The following CD82 variants were observed in gnomAD, a reference collection of about 807,000 sequenced individuals.
CD82 encodes CD82 antigen.
In CD82, 36 loss-of-function variants were observed where a neutral mutation model predicts 37.4. The observed-to-expected ratio is 0.96, with a 90% CI of 0.74 to 1.27. CD82 has a LOEUF of 1.27. Among genes scored for constraint, CD82 ranks in the 50% most tolerant of loss-of-function variants. The pLI is 0.00. For synonymous variants in CD82, 158 were observed against 137.4 expected (o/e 1.15, Z -1.05); for missense variants, 340 against 347.0 (o/e 0.98, Z 0.16).
At position 44,605,136 on chromosome 11, in the gene CD82, T is replaced by C. The variant is rs1477589177; in HGVS notation, c.215T>C (p.Leu72Pro). ...GCAGTCACTATGCTCATGGGCTTCC[T>C]GGGCTGCATCGGCGCCGTCAACGAG... ...VGAVTMLMGF[L>P]GCIGAVNEVR... Residue 72 changes from leucine (L) to proline (P), a missense_variant, in exon 5 of 10, where the codon CTG becomes CCG. Coordinates refer to ENST00000227155, the MANE Select transcript of CD82 (RefSeq NM_002231.4). 3 of 1,614,068 alleles carry C rather than the reference T, an allele frequency of 1.9e-6. No homozygotes were observed. Among genetic ancestry groups the C allele is most frequent in the Non-Finnish European group, 2.5e-6 (3 of 1,180,028 alleles).
chr11:44,568,891 C>T (rs1256193662), intron 1 of CD82, among the ~76,000 whole-genome samples: 1 of 152,270 alleles, frequency 6.6e-6, no homozygotes, highest in Non-Finnish European at 1.5e-5. Flanking sequence ...TTCGGAGCAT[C>T]TGGGGCCAGC....
chr11:44,573,990 C>T, intron 1 of CD82, among the ~76,000 whole-genome samples: 1 of 152,204 alleles, frequency 6.6e-6, no homozygotes, highest in East Asian at 1.9e-4. Flanking sequence ...AAGGCTGCTC[C>T]TGTCATTACT....
chr11:44,607,403 G>A (rs933734321), intron 6 of CD82, among the ~76,000 whole-genome samples: 1 of 152,160 alleles, frequency 6.6e-6, no homozygotes, highest in African/African-American at 2.4e-5. Flanking sequence ...CCAGAAAAAT[G>A]GTCATGGGGT....
intron 1 of CD82, among the ~76,000 whole-genome samples, chr11:44,580,305 T>C (rs1852961999): frequency 6.6e-6 from 1 of 152,176 alleles, no homozygotes; most frequent in Non-Finnish European, 1.5e-5. Flanking sequence ...CACTTACTCC[T>C]CTCTCTGCCC....
intron 1 of CD82, among the ~76,000 whole-genome samples, chr11:44,574,613 T>G (rs777003995): frequency 3.1e-4 from 47 of 152,322 alleles, no homozygotes; most frequent in African/African-American, 6.5e-4. Flanking sequence ...AGGGTTTTTT[T>G]TGTGTGTGTG....
intron 1 of CD82, among the ~76,000 whole-genome samples, chr11:44,578,692 A>T (rs1195766239): frequency 6.6e-6 from 1 of 152,160 alleles, no homozygotes; most frequent in East Asian, 1.9e-4. Flanking sequence ...TTCTTGGCTA[A>T]ATCCATCAGC....
At chr11:44,584,261 G>A (rs1350477301) in intron 1 of CD82, among the ~76,000 whole-genome samples, 1 of 152,194 alleles carries the variant, frequency 6.6e-6, no homozygotes, top group Non-Finnish European at 1.5e-5. Context: ...GGAGGAAGCA[G>A]AGCTGGGACT....
chr11:44,602,960 G>A (rs12290254), intron 4 of CD82, among the ~76,000 whole-genome samples: 27,640 of 152,190 alleles, frequency 0.18, 2,827 homozygotes, highest in African/African-American at 0.27. Context: ...CAGGATGTGA[G>A]TACAGCCACA....
chr11:44,618,427 C>CTGCTCAGCAATTCCTTCCTGCAT (rs1853600886), intron 8 of CD82, 62 bp downstream of exon 8: 1 of 1,431,944 alleles, frequency 7.0e-7, no homozygotes, highest in Non-Finnish European at 9.7e-7. Context: ...ATCTGGGCTA[C>CTGCTCAGCAATTCCTTCCTGCAT]TGCTCAGCAA....
chr11:44,582,873 T>C (rs1344277743), intron 1 of CD82, among the ~76,000 whole-genome samples: 1 of 152,228 alleles, frequency 6.6e-6, no homozygotes, highest in Non-Finnish European at 1.5e-5. Context: ...TATCTGTCCA[T>C]CCCAGTGTGC....
At chr11:44,581,006 A>C (rs779001525) in intron 1 of CD82, among the ~76,000 whole-genome samples, 7 of 151,926 alleles carry the variant, frequency 4.6e-5, no homozygotes, top group Non-Finnish European at 2.9e-5. Context: ...TAATCACCCT[A>C]CTCAGGGCCC....
rs190517526 is a variant in CD82, at chr11:44,618,702, C to T, written c.705C>T (p.Gly235=). The T allele has an allele frequency of 6.8e-4, 1,099 of 1,613,390 alleles. 11 individuals carry two copies. The East Asian group carries it at 0.016, about 23-fold the overall frequency. Residue 235 remains glycine, a synonymous_variant, in exon 9 of 10, where the codon GGC becomes GGT. Coordinates refer to ENST00000227155, the MANE Select transcript of CD82 (RefSeq NM_002231.4). ...ACCTGGGCATCATCCTCGGCGTGGG[C>T]GTGGGTGTGGCCATCATCGAGGTCT... is the stretch of plus-strand genomic sequence containing the variant. ...QENLGIILGV[G]VGVAIIELLG...
At chr11:44,606,618 G>A (rs531727789) in intron 6 of CD82, 1 of 152,388 alleles carries the variant, frequency 6.6e-6, no homozygotes, top group East Asian at 1.9e-4. Context: ...AAGAATGGCT[G>A]TTGGGTGAGC....
At chr11:44,593,823 T>C (rs1244118216) in intron 2 of CD82, among the ~76,000 whole-genome samples, 1 of 152,116 alleles carries the variant, frequency 6.6e-6, no homozygotes, top group African/African-American at 2.4e-5. Context: ...TTTGGGGGAC[T>C]CTGTGAGCCC....
In CD82 at chr11:44,615,298, G is replaced by T; in HGVS notation, c.363G>T (p.Val121=). The T allele has an allele frequency of 6.2e-7, 1 of 1,613,332 alleles. No individual in the cohort carries two copies. Among genetic ancestry groups the T allele is most frequent in the South Asian group, 1.1e-5 (1 of 91,056 alleles). The change falls in exon 7 of 10, where the codon GTG becomes GTT. Residue 121 remains valine, a synonymous_variant. Transcript: ENST00000227155. ...TGAAGCAGGAGATGGGCGGCATCGT[G>T]ACTGAGCTCATTCGAGACTACAACA... ...GKLKQEMGGI[V]TELIRDYNSS...
Position 44,619,637 on chromosome 11 carries a change from C to A in CD82, c.*511C>A, listed in dbSNP as rs537163605. 1 of 153,088 alleles carries A rather than the reference C, an allele frequency of 6.5e-6. No individual in the cohort carries two copies. Among genetic ancestry groups the A allele is most frequent in the Non-Finnish European group, 1.5e-5 (1 of 68,714 alleles). 9.5% of individuals were successfully genotyped at this position (153,088 alleles called of 1,614,324 possible). A position where few individuals can be genotyped will look rare whatever the true frequency, so the allele number is the denominator to read the frequency against. ...AAATTTAGCCGGGCGCGGTGGCGGG[C>A]ACCTGTAGTCCCAGCTACTTGGGAG... On this transcript the variant is annotated 3_prime_UTR_variant, in exon 10 of 10. Transcript: ENST00000227155.
At chr11:44,567,879 A>C (rs1050942932) in intron 1 of CD82, among the ~76,000 whole-genome samples, 16 of 152,224 alleles carry the variant, frequency 1.1e-4, no homozygotes, top group African/African-American at 3.9e-4. Flanking sequence ...AGCCAGAATG[A>C]AGATAGTGTC....
chr11:44,607,655 A>C (rs1402441246), intron 6 of CD82, among the ~76,000 whole-genome samples: 1 of 152,238 alleles, frequency 6.6e-6, no homozygotes. Context: ...GCTGCAATAC[A>C]TGTTCAAATT....
In CD82 at chr11:44,593,586, A is replaced by G. The variant is rs949057410; in HGVS notation, c.-20-1057A>G. Among the ~76,000 whole-genome samples the G allele has an allele frequency of 1.3e-4, 20 of 152,224 alleles. 1 individual carries two copies. The highest frequency in any genetic ancestry group is 1.1e-3 in the Admixed American group (17 of 15,284). ...GGAGTGGAGGGGGCACAGCATGCCC[A>G]AGCATGGTTTGTGTCATTTCAGAAG... On this transcript the variant is annotated intron_variant, in intron 2 of 9. Transcript: ENST00000227155.
Sources: allele counts gnomAD v4.1 joint callset (sites outside exome capture counted in the v4.1 genomes callset), GRCh38; gene constraint gnomAD v4.1.1; transcripts MANE v1.5; gene names NCBI Gene and HGNC (gene_info 2026-07-23, HGNC 2026-07-21).